The following AGPAT3 variants were observed in gnomAD, a reference collection of about 807,000 sequenced individuals.
The protein encoded by AGPAT3 is 1-acyl-sn-glycerol-3-phosphate acyltransferase gamma.
Under a neutral mutation model 47.3 loss-of-function variants are expected in AGPAT3, and 5 were observed. The ratio of observed to expected loss-of-function variants is 0.11; its 90% CI spans 0.06 to 0.22. The LOEUF (loss-of-function observed/expected upper bound fraction) is 0.22. Ranked by LOEUF, AGPAT3 falls within the 10% of genes least tolerant of loss-of-function variation. The pLI, the probability that AGPAT3 is intolerant of heterozygous loss-of-function variation, is 1.00. For missense variants in AGPAT3, 315 were observed against 493.0 expected (o/e 0.64, Z 3.42); for synonymous variants, 212 against 208.3 (o/e 1.02, Z -0.15).
At chr21:43,921,740 GT>G (rs1225422610) in intron 2 of AGPAT3, among the ~76,000 whole-genome samples, 1 of 152,174 alleles carries the variant, frequency 6.6e-6, no homozygotes, top group Non-Finnish European at 1.5e-5. Context: ...GGGGTTGGTG[GT>G]GGTTCTTTTG....
At position 43,970,950 on chromosome 21, in the gene AGPAT3, C is replaced by T. The variant is rs1338163050; in HGVS notation, c.664+144C>T. On this transcript the variant is annotated intron_variant, in intron 6 of 9. Coordinates refer to ENST00000291572, the MANE Select transcript of AGPAT3 (RefSeq NM_020132.5). The surrounding 1 kb of genome is among the most constrained non-coding windows in gnomAD (Gnocchi z 5.8). The stretch of plus-strand genomic sequence containing the variant: ...AGGAATCAAGTGAGGGGGTCGGCGC[C>T]GCAAGGTTCCCGCGTCAGGTTTTGA... 29 of 924,472 alleles carry T rather than the reference C, an allele frequency of 3.1e-5. No homozygotes were observed. Among genetic ancestry groups the T allele is most frequent in the Middle Eastern group, 3.6e-4 (1 of 2,770 alleles). The allele number at this position is 924,472 out of a possible 1,614,324, so 57.3% of individuals were successfully genotyped here.
intron 7 of AGPAT3, among the ~76,000 whole-genome samples, chr21:43,972,744 G>GT (rs1268000955): frequency 4.6e-5 from 7 of 152,238 alleles, no homozygotes; most frequent in Admixed American, 4.6e-4. Flanking sequence ...GGCTGGGGTT[G>GT]TGACCTTGAT....
At position 43,971,458 on chromosome 21, in the gene AGPAT3, C is replaced by T. The variant is rs201335409; in HGVS notation, c.735C>T (p.Tyr245=). 6.6e-5 allele frequency: 106 copies of T among 1,614,206 alleles called. 1 individual carries two copies. Among genetic ancestry groups the T allele is most frequent in the South Asian group, 4.4e-4 (40 of 91,088 alleles). Residue 245 remains tyrosine, a synonymous_variant, in exon 7 of 10, where the codon TAC becomes TAT. Coordinates refer to ENST00000291572, the MANE Select transcript of AGPAT3 (RefSeq NM_020132.5). ...ACCCGTCCCTGCTGGGGATCCTCTA[C>T]GGGAAGAAGTACGAGGCGGACATGT... ...NKNPSLLGIL[Y]GKKYEADMCV...
At chr21:43,937,512 A>G (rs918852736) in intron 2 of AGPAT3, among the ~76,000 whole-genome samples, 3 of 152,242 alleles carry the variant, frequency 2.0e-5, no homozygotes, top group East Asian at 1.9e-4. Context: ...TGCACCAGCC[A>G]TCACAACTTG....
chr21:43,909,204 T>C (rs1289934174), intron 2 of AGPAT3, among the ~76,000 whole-genome samples: 1 of 152,210 alleles, frequency 6.6e-6, no homozygotes, highest in Non-Finnish European at 1.5e-5. Flanking sequence ...TGGTGTGGCT[T>C]CCTCGGAAGC....
chr21:43,910,684 A>G (rs1375104140), intron 2 of AGPAT3, among the ~76,000 whole-genome samples: 1 of 152,232 alleles, frequency 6.6e-6, no homozygotes, highest in Admixed American at 6.5e-5. Flanking sequence ...GGGAGGAGGA[A>G]TTATCTTTGT....
chr21:43,929,724 C>A lies in AGPAT3; in HGVS notation c.-49+25705C>A, dbSNP rs536565083. ...CTTACTGGGATGGAGGGAGAAGACG[C>A]GGCCCACATTCCTCAGGCTGGAGGG... On this transcript the variant is annotated intron_variant, in intron 2 of 9. Coordinates refer to ENST00000291572, the MANE Select transcript of AGPAT3 (RefSeq NM_020132.5). Among the ~76,000 whole-genome samples, 27 of 152,322 alleles carry A rather than the reference C, an allele frequency of 1.8e-4. 1 individual carries two copies. Among genetic ancestry groups the A allele is most frequent in the African/African-American group, 6.0e-4 (25 of 41,564 alleles).
chr21:43,960,637 CA>C (rs1316634414), intron 3 of AGPAT3: 1 of 535,858 alleles, frequency 1.9e-6, no homozygotes, highest in Non-Finnish European at 2.4e-6. Context: ...TATAGTAGCA[CA>C]AAACTAGAAG....
At position 43,970,369 on chromosome 21, in the gene AGPAT3, C is replaced by T. The variant is rs1001315524; in HGVS notation, c.511-284C>T. Among the ~76,000 whole-genome samples the T allele has an allele frequency of 6.6e-6, 1 of 152,234 alleles. No individual in the cohort carries two copies. Among genetic ancestry groups the T allele is most frequent in the African/African-American group, 2.4e-5 (1 of 41,462 alleles). On this transcript the variant is annotated intron_variant, in intron 5 of 9. Transcript: ENST00000291572. This position sits in a 1 kb window ranked among gnomAD's most constrained non-coding sequence, Gnocchi z 5.8. ...TGAAACCCTCTCTGTTTTCACACTG[C>T]TCAGAGGCTGCTGCCCCAACACACC...
intron 1 of AGPAT3, among the ~76,000 whole-genome samples, chr21:43,899,003 A>T (rs2086291764): frequency 6.6e-6 from 1 of 152,036 alleles, no homozygotes; most frequent in Non-Finnish European, 1.5e-5. Context: ...GGCGTGAGCC[A>T]CTCTGCCCGG....
Position 43,922,020 on chromosome 21 carries a change from G to T in AGPAT3, c.-49+18001G>T, listed in dbSNP as rs1414846022. On this transcript the variant is annotated intron_variant, in intron 2 of 9. Coordinates refer to ENST00000291572, the MANE Select transcript of AGPAT3 (RefSeq NM_020132.5). This position sits in a 1 kb window ranked among gnomAD's most constrained non-coding sequence, Gnocchi z 4.9. Reference sequence around the variant, plus strand: ...TTCTCTGTCTCTCGATGCCATTTTTGTGAAGGTTTAGCAAATACTTGATAG... The same window carrying T: ...TTCTCTGTCTCTCGATGCCATTTTTTTGAAGGTTTAGCAAATACTTGATAG... 6.6e-6 allele frequency among the ~76,000 whole-genome samples: 1 copy of T among 152,154 alleles called. No homozygotes were observed. The highest frequency in any genetic ancestry group is 1.9e-4 in the East Asian group (1 of 5,190).
rs144161808 is a variant in AGPAT3, at chr21:43,908,405, C to T, written c.-49+4386C>T. Among the ~76,000 whole-genome samples the T allele has an allele frequency of 1.1e-4, 17 of 152,252 alleles. No homozygotes were observed. Among genetic ancestry groups the T allele is most frequent in the East Asian group, 3.9e-4 (2 of 5,186 alleles). ...CTTCTCGATCAGAAAGGAGGTGTCC[C>T]GATCAGGGGGAGCACATGGGCTGGG... On this transcript the variant is annotated intron_variant, in intron 2 of 9. Coordinates refer to ENST00000291572, the MANE Select transcript of AGPAT3 (RefSeq NM_020132.5). The surrounding 1 kb of genome is among the most constrained non-coding windows in gnomAD (Gnocchi z 4.9).
chr21:43,944,511 C>T (rs1362302601), intron 2 of AGPAT3, among the ~76,000 whole-genome samples: 3 of 152,240 alleles, frequency 2.0e-5, no homozygotes, highest in African/African-American at 7.2e-5. Context: ...CGGGGCAGAT[C>T]CTGGAGGCCA....
chr21:43,901,951 G>A (rs531400477), intron 1 of AGPAT3, among the ~76,000 whole-genome samples: 4 of 152,154 alleles, frequency 2.6e-5, no homozygotes, highest in African/African-American at 4.8e-5. Context: ...GGACCATATC[G>A]AGAGTAACAT....
At chr21:43,879,687 G>T (rs1190717370) in intron 1 of AGPAT3, among the ~76,000 whole-genome samples, 1 of 152,186 alleles carries the variant, frequency 6.6e-6, no homozygotes, top group Admixed American at 6.5e-5. Flanking sequence ...GTGGCACGTG[G>T]ACCTGCTGCG....
At chr21:43,886,263 T>A (rs8131916) in intron 1 of AGPAT3, among the ~76,000 whole-genome samples, 16,735 of 151,708 alleles carry the variant, frequency 0.11, 1,813 homozygotes, top group African/African-American at 0.28. Context: ...ATTAAAAAAA[T>A]TTTTTTTAAA....
intron 2 of AGPAT3, among the ~76,000 whole-genome samples, chr21:43,959,235 G>T (rs2088690285): frequency 7.0e-6 from 1 of 142,032 alleles, no homozygotes; most frequent in Non-Finnish European, 1.5e-5. Flanking sequence ...GTGATGTGGT[G>T]TGTGTGTGGT....
At chr21:43,931,029 C>G (rs1445953123) in intron 2 of AGPAT3, among the ~76,000 whole-genome samples, 2 of 152,098 alleles carry the variant, frequency 1.3e-5, no homozygotes, top group Non-Finnish European at 1.5e-5. Flanking sequence ...AGCGTGGGGC[C>G]CTGGGGTGGG....
intron 3 of AGPAT3, among the ~76,000 whole-genome samples, chr21:43,961,507 CT>C (rs1315593718): frequency 1.6e-5 from 2 of 121,532 alleles, no homozygotes; most frequent in Non-Finnish European, 3.6e-5. Context: ...CGCGTAGACA[CT>C]TTGTCTCGTG....
Sources: allele counts gnomAD v4.1 joint callset (sites outside exome capture counted in the v4.1 genomes callset), GRCh38; gene constraint gnomAD v4.1.1; non-coding constraint Gnocchi (gnomAD v3.1); transcripts MANE v1.5; gene names NCBI Gene and HGNC (gene_info 2026-07-23, HGNC 2026-07-21).